The following SAMSN1 variants were observed in gnomAD, a reference collection of about 807,000 sequenced individuals.
SAMSN1 encodes SAM domain, SH3 domain and nuclear localization signals 1.
SAMSN1 carries 31 observed loss-of-function variants against 42.0 expected under a neutral mutation model. The ratio of observed to expected loss-of-function variants is 0.74; its 90% CI spans 0.55 to 1.00. The LOEUF (loss-of-function observed/expected upper bound fraction) is 1.00, where lower values mean the gene tolerates loss of function less well. Ranked by LOEUF, SAMSN1 falls within the 50% of genes least tolerant of loss-of-function variation. The pLI is 0.00. For missense variants in SAMSN1, 464 were observed against 439.4 expected, an observed-to-expected ratio of 1.06 and a Z score of -0.50; for synonymous variants, 178 against 151.9, an observed-to-expected ratio of 1.17 and a Z score of -1.26.
intron 2 of SAMSN1, among the ~76,000 whole-genome samples, chr21:14,579,851 C>T (rs1413395898): frequency 1.3e-5 from 2 of 152,162 alleles, no homozygotes; most frequent in Middle Eastern, 6.8e-3. Flanking sequence ...ATAAGTTATT[C>T]ATAGGAAGTA....
intron 2 of SAMSN1, among the ~76,000 whole-genome samples, chr21:14,553,459 T>A (rs2123182473): frequency 6.6e-6 from 1 of 152,300 alleles, no homozygotes; most frequent in Non-Finnish European, 1.5e-5. Context: ...TTAGATGTTT[T>A]TTCTGTTCTA....
intron 2 of SAMSN1, among the ~76,000 whole-genome samples, chr21:14,569,987 C>CCA (rs1981245638): frequency 6.6e-6 from 1 of 151,290 alleles, no homozygotes; most frequent in African/African-American, 2.4e-5. Flanking sequence ...ACCACTTTCC[C>CCA]CCCCCCCAGT....
intron 3 of SAMSN1, among the ~76,000 whole-genome samples, chr21:14,513,037 A>G (rs1183920985): frequency 6.6e-6 from 1 of 152,238 alleles, no homozygotes; most frequent in Non-Finnish European, 1.5e-5. Flanking sequence ...ACTAGATATG[A>G]ATAAAACATG....
At chr21:14,508,243 AAG>A (rs1458771077) in intron 5 of SAMSN1, among the ~76,000 whole-genome samples, 2 of 152,258 alleles carry the variant, frequency 1.3e-5, no homozygotes, top group East Asian at 3.8e-4. Context: ...TGCATGGTAA[AAG>A]AAACAGTCAG....
intron 4 of SAMSN1, among the ~76,000 whole-genome samples, chr21:14,511,250 C>T (rs533173415): frequency 8.5e-5 from 13 of 152,298 alleles, no homozygotes; most frequent in Non-Finnish European, 1.6e-4. Context: ...TGATGTAAAA[C>T]ACAGATGAGT....
chr21:14,496,932 G>A (rs543340206), intron 7 of SAMSN1, among the ~76,000 whole-genome samples: 27 of 152,248 alleles, frequency 1.8e-4, no homozygotes, highest in Non-Finnish European at 2.9e-4. Flanking sequence ...TATAGGAAAC[G>A]TGTGCTCTAC....
At chr21:14,640,734 A>G (rs750178815) in intron 2 of SAMSN1, among the ~76,000 whole-genome samples, 10 of 152,082 alleles carry the variant, frequency 6.6e-5, no homozygotes, top group Non-Finnish European at 1.5e-4. Context: ...ATAAGTATTA[A>G]TAATACTTTG....
intron 1 of SAMSN1, among the ~76,000 whole-genome samples, chr21:14,541,084 G>A (rs369899325): frequency 2.1e-5 from 3 of 144,302 alleles, no homozygotes; most frequent in East Asian, 2.2e-4. Flanking sequence ...TGAACAATGG[G>A]AACATCTGGA....
intron 2 of SAMSN1, among the ~76,000 whole-genome samples, chr21:14,628,483 A>G (rs466386): frequency 0.092 from 14,037 of 152,182 alleles, 854 homozygotes; most frequent in Admixed American, 0.13. Flanking sequence ...CTAATTTTTC[A>G]GTGTATCTAA....
At chr21:14,649,085 C>T (rs1157406001) in intron 1 of SAMSN1, among the ~76,000 whole-genome samples, 1 of 152,018 alleles carries the variant, frequency 6.6e-6, no homozygotes, top group Non-Finnish European at 1.5e-5. Flanking sequence ...GAATACTATG[C>T]AGCCATAAAA....
intron 2 of SAMSN1, among the ~76,000 whole-genome samples, chr21:14,571,456 G>A (rs1981297748): frequency 6.6e-6 from 1 of 152,144 alleles, no homozygotes; most frequent in African/African-American, 2.4e-5. Flanking sequence ...GGAACCATGA[G>A]ATGCATAAAG....
At chr21:14,586,929 G>C (rs1415231717), upstream of SAMSN1, among the ~76,000 whole-genome samples, 1 of 152,170 alleles carries the variant, frequency 6.6e-6, no homozygotes, top group African/African-American at 2.4e-5. Context: ...TGGAATTTCT[G>C]GAAGAATGCT....
chr21:14,540,669 A>T lies in SAMSN1; in HGVS notation c.57+5536T>A, dbSNP rs371676798. On this transcript the variant is annotated intron_variant, in intron 1 of 7. Transcript: ENST00000400566. ...AGAGGATGTGGAGAAATAGGAACAC[A>T]TTTACACTGTTGGTGGGACTGTAAA... Among the ~76,000 whole-genome samples the T allele has an allele frequency of 1.7e-3, 260 of 152,288 alleles. 3 individuals carry two copies. The South Asian group carries it at 0.038, about 22-fold the overall frequency.
At chr21:14,606,200 T>A (rs1982567701) in intron 5 of SAMSN1, among the ~76,000 whole-genome samples, 2 of 152,186 alleles carry the variant, frequency 1.3e-5, no homozygotes. Flanking sequence ...GTTTCTCTTA[T>A]TACTAACATT....
Position 14,621,473 on chromosome 21 carries a change from G to GC in SAMSN1, c.157-5458dup, listed in dbSNP as rs1010251312. On this transcript the variant is annotated intron_variant, in intron 2 of 15. Coordinates refer to the SAMSN1 transcript ENST00000647101. ...ATACTGCACTTTTCCAACAGTCTTA[G>GC]CAAACGGCACTCCAGGAGATTATAT... 6.6e-4 allele frequency among the ~76,000 whole-genome samples: 101 copies of GC among 152,192 alleles called. 1 individual carries two copies. The highest frequency in any genetic ancestry group is 2.4e-3 in the African/African-American group (98 of 41,450).
chr21:14,582,789 GA>G (rs1016636068), intron 1 of SAMSN1, among the ~76,000 whole-genome samples: 2 of 151,704 alleles, frequency 1.3e-5, no homozygotes, highest in Non-Finnish European at 2.9e-5. Context: ...AGATATTTGA[GA>G]AAAAAATACA....
At chr21:14,629,544 C>T (rs1235677788) in intron 2 of SAMSN1, among the ~76,000 whole-genome samples, 1 of 152,184 alleles carries the variant, frequency 6.6e-6, no homozygotes, top group African/African-American at 2.4e-5. Flanking sequence ...GCCAGCCTGT[C>T]CAGCTCCTGT....
At position 14,512,441 on chromosome 21, in the gene SAMSN1, T is replaced by C. The variant is rs930167314; in HGVS notation, c.409+3A>G. On this transcript the variant is annotated splice_donor_region_variant and intron_variant, in intron 4 of 7. Transcript: ENST00000400566. ...GATCTTGTCCCTGATTCATTAGCCT[T>C]ACTTGATGAGCTCTGTCCACTGTAG... The C allele has an allele frequency of 6.2e-7, 1 of 1,613,648 alleles. No individual in the cohort carries two copies. Among genetic ancestry groups the C allele is most frequent in the Admixed American group, 1.7e-5 (1 of 60,032 alleles).
chr21:14,550,370 C>T (rs926403377), upstream of SAMSN1, among the ~76,000 whole-genome samples: 7 of 152,058 alleles, frequency 4.6e-5, no homozygotes, highest in Non-Finnish European at 1.0e-4. Context: ...TGTGCAGTGA[C>T]TTTTCTGCTT....
Sources: allele counts gnomAD v4.1 joint callset (sites outside exome capture counted in the v4.1 genomes callset), GRCh38; gene constraint gnomAD v4.1.1; transcripts MANE v1.5; gene names NCBI Gene and HGNC (gene_info 2026-07-23, HGNC 2026-07-21).